Variants in NHSL1 observed in about 807,000 individuals in gnomAD.
NHSL1 encodes NHS like 1, also known as NHS-like protein 1.
In NHSL1, 48 loss-of-function variants were observed where a neutral mutation model predicts 95.0. The ratio of observed to expected loss-of-function variants is 0.51; its 90% CI spans 0.40 to 0.64. NHSL1 has a LOEUF of 0.64. Ranked by LOEUF, NHSL1 falls within the 30% of genes least tolerant of loss-of-function variation. The probability of loss-of-function intolerance (pLI) is 0.00; values close to 1 mark genes in which losing one functional copy is unlikely to be tolerated. For synonymous variants in NHSL1, 783 were observed against 833.9 expected (o/e 0.94, Z 1.05); for missense variants, 1,971 against 2,077.7 (o/e 0.95, Z 1.00).
At chr6:138,667,334 C>T (rs541396937) in intron 1 of NHSL1, among the ~76,000 whole-genome samples, 1 of 152,206 alleles carries the variant, frequency 6.6e-6, no homozygotes, top group African/African-American at 2.4e-5. Context: ...TAAAAGATAA[C>T]CTGAAGTCAC....
chr6:138,646,274 A>T (rs1299730376), intron 1 of NHSL1, among the ~76,000 whole-genome samples: 2 of 152,204 alleles, frequency 1.3e-5, no homozygotes, highest in African/African-American at 4.8e-5. Context: ...AAATACACCA[A>T]TATTTTTAAC....
chr6:138,668,443 C>CA lies in NHSL1; in HGVS notation c.96+24032dup, dbSNP rs200144594. On this transcript the variant is annotated intron_variant, in intron 1 of 3. Coordinates refer to the NHSL1 transcript ENST00000491526. ...GGCCAACAAGAGCGAAACTCCATCTCAAAAAAAAGAAAAGAAATTGTTTTG... is the reference window on the plus strand; with the variant it reads ...GGCCAACAAGAGCGAAACTCCATCTCAAAAAAAAAGAAAAGAAATTGTTTTG... Among the ~76,000 whole-genome samples, 1,376 of 150,900 alleles carry CA rather than the reference C, an allele frequency of 9.1e-3. 16 individuals are homozygous for CA. Among genetic ancestry groups the CA allele is most frequent in the African/African-American group, 0.029 (1,204 of 41,196 alleles).
chr6:138,482,248 C>G (rs898962456), intron 2 of NHSL1, among the ~76,000 whole-genome samples: 3 of 152,136 alleles, frequency 2.0e-5, no homozygotes, highest in African/African-American at 4.8e-5. Flanking sequence ...GAGTTCAAGA[C>G]CAGCCTGTTC....
At chr6:138,687,530 C>G (rs1487803280) in intron 1 of NHSL1, among the ~76,000 whole-genome samples, 1 of 152,078 alleles carries the variant, frequency 6.6e-6, no homozygotes, top group East Asian at 1.9e-4. Context: ...ACTGTATTTG[C>G]AAATGTACAA....
At chr6:138,633,263 G>C (rs1198336086) in intron 1 of NHSL1, among the ~76,000 whole-genome samples, 2 of 152,096 alleles carry the variant, frequency 1.3e-5, no homozygotes, top group Non-Finnish European at 2.9e-5. Flanking sequence ...AAAGAGACAG[G>C]GGCAGAAAAT....
chr6:138,662,525 C>T (rs1785239837), intron 1 of NHSL1, among the ~76,000 whole-genome samples: 1 of 152,196 alleles, frequency 6.6e-6, no homozygotes, highest in Non-Finnish European at 1.5e-5. Flanking sequence ...GGGACTGGGG[C>T]TAGTCCTTTG....
chr6:138,453,372 T>C (rs1315671532), intron 3 of NHSL1, among the ~76,000 whole-genome samples: 1 of 152,044 alleles, frequency 6.6e-6, no homozygotes, highest in Non-Finnish European at 1.5e-5. Flanking sequence ...TTGTTGTTTT[T>C]GAGATGAGGT....
At position 138,614,910 on chromosome 6, in the gene NHSL1, A is replaced by C. The variant is rs1043329404; in HGVS notation, c.96+77566T>G. 3.3e-5 allele frequency among the ~76,000 whole-genome samples: 5 copies of C among 152,126 alleles called. 1 individual carries two copies. The South Asian group carries it at 6.2e-4, about 19-fold the overall frequency. The stretch of plus-strand genomic sequence containing the variant: ...AGTTGAAATACTTTCATCCCGAAAC[A>C]ACCACCACCACCCACCCACCCTACC... On this transcript the variant is annotated intron_variant, in intron 1 of 3. Coordinates refer to the NHSL1 transcript ENST00000491526.
intron 1 of NHSL1, among the ~76,000 whole-genome samples, chr6:138,551,076 T>A (rs903555068): frequency 6.6e-6 from 1 of 152,358 alleles, no homozygotes; most frequent in South Asian, 2.1e-4. Context: ...CACATTTATA[T>A]TAATTTTATT....
At chr6:138,550,980 G>A (rs573696659) in intron 1 of NHSL1, among the ~76,000 whole-genome samples, 2 of 152,316 alleles carry the variant, frequency 1.3e-5, no homozygotes, top group East Asian at 3.9e-4. Context: ...CCGAGGTTTT[G>A]CTTTCAGTAC....
At chr6:138,580,458 A>G (rs1436272227) in intron 1 of NHSL1, among the ~76,000 whole-genome samples, 1 of 152,184 alleles carries the variant, frequency 6.6e-6, no homozygotes, top group Non-Finnish European at 1.5e-5. Context: ...CGGGAGATTT[A>G]GCCAACCAGT....
At chr6:138,663,032 C>A in intron 1 of NHSL1, among the ~76,000 whole-genome samples, 1 of 118,424 alleles carries the variant, frequency 8.4e-6, no homozygotes. Flanking sequence ...CACAAAGCTA[C>A]ATGTGCAAAT....
intron 3 of NHSL1, among the ~76,000 whole-genome samples, chr6:138,458,148 C>T (rs1777742105): frequency 6.6e-6 from 1 of 152,124 alleles, no homozygotes; most frequent in Admixed American, 6.5e-5. Context: ...CACTTGATTT[C>T]AAATGATAGC....
At chr6:138,490,382 G>T (rs185188138) in intron 2 of NHSL1, among the ~76,000 whole-genome samples, 1 of 152,092 alleles carries the variant, frequency 6.6e-6, no homozygotes, top group African/African-American at 2.4e-5. Flanking sequence ...AAAGACAAGG[G>T]GTATCTGCGA....
intron 1 of NHSL1, among the ~76,000 whole-genome samples, chr6:138,612,971 T>C (rs1282123264): frequency 6.6e-6 from 1 of 152,198 alleles, no homozygotes; most frequent in African/African-American, 2.4e-5. Flanking sequence ...TCATGAGCCA[T>C]CGTTTATTGA....
At chr6:138,550,560 C>T (rs1289160474), upstream of NHSL1, among the ~76,000 whole-genome samples, 1 of 152,164 alleles carries the variant, frequency 6.6e-6, no homozygotes, top group East Asian at 1.9e-4. Context: ...CAACATCCAG[C>T]ATCATGTTAA....
chr6:138,595,166 T>C (rs1784287106), intron 1 of NHSL1, among the ~76,000 whole-genome samples: 1 of 152,244 alleles, frequency 6.6e-6, no homozygotes, highest in Non-Finnish European at 1.5e-5. Context: ...AAGTGATTTT[T>C]TGAAAACCAT....
At chr6:138,689,417 T>G (rs1562414047) in intron 1 of NHSL1, among the ~76,000 whole-genome samples, 1 of 152,362 alleles carries the variant, frequency 6.6e-6, no homozygotes, top group East Asian at 1.9e-4. Context: ...TTATTTTGGA[T>G]AACTTTCTAC....
intron 2 of NHSL1, among the ~76,000 whole-genome samples, chr6:138,495,946 A>G (rs1562326592): frequency 6.6e-6 from 1 of 152,126 alleles, no homozygotes; most frequent in African/African-American, 2.4e-5. Flanking sequence ...TGAGAACAGT[A>G]TGGGGGAAAT....
Sources: allele counts gnomAD v4.1 joint callset (sites outside exome capture counted in the v4.1 genomes callset), GRCh38; gene constraint gnomAD v4.1.1; transcripts MANE v1.5; gene names NCBI Gene and HGNC (gene_info 2026-07-23, HGNC 2026-07-21).